The following FAM227B variants were observed in gnomAD, a reference collection of about 807,000 sequenced individuals.
The protein encoded by FAM227B is protein FAM227B.
In FAM227B, 88 loss-of-function variants were observed where a neutral mutation model predicts 73.8. That is an observed-to-expected ratio of 1.19 (90% confidence interval 1.00 to 1.42). FAM227B has a LOEUF of 1.42. FAM227B is among the 40% of genes most tolerant of loss of function. The pLI, the probability that FAM227B is intolerant of heterozygous loss-of-function variation, is 0.00. For synonymous variants in FAM227B, 210 were observed against 190.5 expected, an observed-to-expected ratio of 1.10 and a Z score of -0.84; for missense variants, 632 against 590.9, an observed-to-expected ratio of 1.07 and a Z score of -0.72.
At position 49,439,707 on chromosome 15, in the gene FAM227B, C is replaced by T. The variant is rs72727289; in HGVS notation, c.1013-68308G>A. 5.8e-3 allele frequency among the ~76,000 whole-genome samples: 877 copies of T among 151,840 alleles called. 5 individuals carry two copies. Among genetic ancestry groups the T allele is most frequent in the Non-Finnish European group, 9.6e-3 (648 of 67,808 alleles). On this transcript the variant is annotated intron_variant, in intron 11 of 15. Coordinates refer to ENST00000299338, the MANE Select transcript of FAM227B (RefSeq NM_152647.3). ...TGGGTTAGGGTCTCCTCAGGAGGAA[C>T]GTGGCTCTCTTCTCTTACTGCAGAC...
intron 12 of FAM227B, 128 bp downstream of exon 12, chr15:49,371,174 T>A (rs1342122450): frequency 2.5e-5 from 12 of 474,872 alleles, no homozygotes; most frequent in Non-Finnish European, 4.6e-5. Flanking sequence ...TTTTGACCAT[T>A]AAATTCTTTT....
intron 10 of FAM227B, among the ~76,000 whole-genome samples, chr15:49,529,022 C>G (rs2060415559): frequency 6.6e-6 from 1 of 151,716 alleles, no homozygotes; most frequent in African/African-American, 2.4e-5. Context: ...GACACCTGCA[C>G]TCATATGTTT....
chr15:49,415,672 T>C (rs991332313), intron 11 of FAM227B, among the ~76,000 whole-genome samples: 3 of 152,186 alleles, frequency 2.0e-5, no homozygotes, highest in Non-Finnish European at 2.9e-5. Flanking sequence ...AATTAAAGCA[T>C]AAATTTTTAT....
At chr15:49,536,328 G>A (rs1046899704) in intron 10 of FAM227B, among the ~76,000 whole-genome samples, 7 of 151,404 alleles carry the variant, frequency 4.6e-5, no homozygotes, top group African/African-American at 1.7e-4. Flanking sequence ...TTAATAAGAG[G>A]GTCAAAAATA....
intron 9 of FAM227B, among the ~76,000 whole-genome samples, chr15:49,543,842 T>C (rs1382191533): frequency 6.6e-6 from 1 of 152,218 alleles, no homozygotes; most frequent in Non-Finnish European, 1.5e-5. Flanking sequence ...TTTTCTATGC[T>C]CTTCGATTTG....
intron 11 of FAM227B, among the ~76,000 whole-genome samples, chr15:49,380,527 G>C (rs2046455661): frequency 6.6e-6 from 1 of 151,832 alleles, no homozygotes; most frequent in Non-Finnish European, 1.5e-5. Flanking sequence ...ACCCATAAAA[G>C]AAGGTTATGT....
intron 13 of FAM227B, among the ~76,000 whole-genome samples, chr15:49,350,713 T>G (rs1246931823): frequency 1.3e-5 from 2 of 152,242 alleles, no homozygotes; most frequent in Admixed American, 1.3e-4. Flanking sequence ...CTGCACCATT[T>G]GCCTTTTATA....
intron 9 of FAM227B, among the ~76,000 whole-genome samples, chr15:49,558,105 C>G (rs79764378): frequency 7.0e-6 from 1 of 142,696 alleles, no homozygotes; most frequent in East Asian, 2.1e-4. Context: ...GGCTTGCTGA[C>G]TTGGGCTCCT....
chr15:49,538,260 C>T (rs1207118989), intron 10 of FAM227B, among the ~76,000 whole-genome samples: 1 of 152,140 alleles, frequency 6.6e-6, no homozygotes, highest in East Asian at 1.9e-4. Context: ...CAAGACCAAT[C>T]CCTGTTTTTC....
At chr15:49,517,310 T>A (rs1241407098) in intron 10 of FAM227B, among the ~76,000 whole-genome samples, 1 of 152,150 alleles carries the variant, frequency 6.6e-6, no homozygotes, top group South Asian at 2.1e-4. Flanking sequence ...AAGAAAGTGA[T>A]TACTTCATCC....
chr15:49,350,305 C>A (rs1448505713), intron 13 of FAM227B, among the ~76,000 whole-genome samples: 1 of 152,098 alleles, frequency 6.6e-6, no homozygotes, highest in East Asian at 1.9e-4. Context: ...ATTTAAATGA[C>A]CACACATGGC....
At chr15:49,335,189 G>T (rs1418183293) in intron 14 of FAM227B, among the ~76,000 whole-genome samples, 1 of 152,098 alleles carries the variant, frequency 6.6e-6, no homozygotes, top group Non-Finnish European at 1.5e-5. Context: ...CACCCCTCCA[G>T]TCACACCAAG....
intron 6 of FAM227B, chr15:49,577,358 C>G: frequency 2.5e-6 from 1 of 398,826 alleles, no homozygotes; most frequent in South Asian, 3.4e-5. Context: ...ATTAAGAACC[C>G]TAGCACATTC....
chr15:49,509,819 A>G (rs1183197280), intron 10 of FAM227B, among the ~76,000 whole-genome samples: 1 of 152,168 alleles, frequency 6.6e-6, no homozygotes, highest in Non-Finnish European at 1.5e-5. Flanking sequence ...TACAGGATTT[A>G]GAAACAAATG....
intron 10 of FAM227B, among the ~76,000 whole-genome samples, chr15:49,513,000 A>G (rs1434422944): frequency 2.6e-5 from 4 of 152,116 alleles, no homozygotes; most frequent in African/African-American, 9.7e-5. Flanking sequence ...TATCCGGTCT[A>G]TCATTGATGG....
chr15:49,438,409 G>C (rs538747239), intron 11 of FAM227B, among the ~76,000 whole-genome samples: 1 of 151,652 alleles, frequency 6.6e-6, no homozygotes, highest in African/African-American at 2.4e-5. Context: ...CCATTGCTTT[G>C]TTCCACCCAG....
intron 6 of FAM227B, 191 bp from the exon 7 acceptor site, chr15:49,577,036 C>T (rs1159146442): frequency 4.2e-6 from 2 of 474,778 alleles, no homozygotes; most frequent in Non-Finnish European, 7.4e-6. Context: ...GTGGCTCACG[C>T]CTGTAATCCC....
At chr15:49,363,653 A>C (rs1036244970) in intron 13 of FAM227B, among the ~76,000 whole-genome samples, 1 of 152,138 alleles carries the variant, frequency 6.6e-6, no homozygotes, top group Non-Finnish European at 1.5e-5. Flanking sequence ...AGGACTTCCA[A>C]TACTATGTTG....
In FAM227B at chr15:49,597,867, C is replaced by A. The variant is rs1434904209; in HGVS notation, c.106-7860G>T. On this transcript the variant is annotated intron_variant, in intron 3 of 15. Transcript: ENST00000299338. ...ATCTTCACACACATAAACTAGAAAA[C>A]CTAGAGGAGATGGATAAATTCCTGG... Among the ~76,000 whole-genome samples the A allele has an allele frequency of 2.0e-5, 3 of 151,630 alleles. No individual in the cohort carries two copies. The East Asian group carries it at 5.8e-4, about 29-fold the overall frequency.
Sources: allele counts gnomAD v4.1 joint callset (sites outside exome capture counted in the v4.1 genomes callset), GRCh38; gene constraint gnomAD v4.1.1; transcripts MANE v1.5; gene names NCBI Gene and HGNC (gene_info 2026-07-23, HGNC 2026-07-21).